Variants in CEP41 observed in about 807,000 individuals in gnomAD.
CEP41 encodes the protein centrosomal protein of 41 kDa.
Under a neutral mutation model 44.3 loss-of-function variants are expected in CEP41, and 32 were observed. That is an observed-to-expected ratio of 0.72 (90% CI 0.54 to 0.97). The LOEUF (loss-of-function observed/expected upper bound fraction) is 0.97, where lower values mean the gene tolerates loss of function less well. Among genes scored for constraint, CEP41 ranks in the 50% least tolerant of loss-of-function variants. The pLI is 0.00. For synonymous variants in CEP41, 151 were observed against 168.5 expected, an observed-to-expected ratio of 0.90 and a Z score of 0.80; for missense variants, 432 against 455.2, an observed-to-expected ratio of 0.95 and a Z score of 0.46.
chr7:130,407,829 A>G (rs1554418550), intron 5 of CEP41, among the ~76,000 whole-genome samples: 1 of 152,230 alleles, frequency 6.6e-6, no homozygotes, highest in African/African-American at 2.4e-5. Context: ...TGATTACGTA[A>G]AAATTCAACC....
chr7:130,394,151 C>A lies in CEP41; in HGVS notation c.*4740G>T, dbSNP rs1796595913. 2 of 453,986 alleles carry A rather than the reference C, an allele frequency of 4.4e-6. No homozygotes were observed. The highest frequency in any genetic ancestry group is 8.8e-6 in the Non-Finnish European group (2 of 226,802). 28.1% of individuals were successfully genotyped at this position (453,986 alleles called of 1,614,324 possible). ...AGTTAGAGGCATCACCAAAGGAGAA[C>A]ATGGTTGTGCCCACCCAGAGTGAGA... On this transcript the variant is annotated 3_prime_UTR_variant, in exon 11 of 11. Coordinates refer to ENST00000223208, the MANE Select transcript of CEP41 (RefSeq NM_018718.3).
chr7:130,421,324 T>C (rs1310499753), intron 2 of CEP41: 1 of 985,340 alleles, frequency 1.0e-6, no homozygotes, highest in East Asian at 1.1e-4. Context: ...GACAACTCCA[T>C]GGCTTTATTT....
intron 2 of CEP41, chr7:130,419,834 G>A (rs1797447550): frequency 1.0e-6 from 1 of 985,264 alleles, no homozygotes; most frequent in Non-Finnish European, 1.2e-6. Flanking sequence ...AGCAGGAAGT[G>A]ACCTTTCCCT....
chr7:130,432,517 C>A (rs1455002152), intron 1 of CEP41, among the ~76,000 whole-genome samples: 1 of 140,450 alleles, frequency 7.1e-6, no homozygotes, highest in Admixed American at 7.7e-5. Flanking sequence ...TTTGGGAGGC[C>A]AAAGTGGGAG....
rs782502319 is a variant in CEP41, at chr7:130,440,998, A to G, written c.-32T>C. On this transcript the variant is annotated 5_prime_UTR_variant, in exon 1 of 11. Transcript: ENST00000223208. ...TCCAACCGACCACGTTCGGGGTTCTAGCCTCACGGGTTGCCTCTAACCCTA... is the reference window on the plus strand; with the variant it reads ...TCCAACCGACCACGTTCGGGGTTCTGGCCTCACGGGTTGCCTCTAACCCTA... 8 of 1,611,648 alleles carry G rather than the reference A, an allele frequency of 5.0e-6. No individual in the cohort carries two copies. In the Admixed American group the frequency reaches 1.3e-4, roughly 27 times the overall value.
rs782097502 is a variant in CEP41, at chr7:130,399,265, T to C, written c.974-226A>G. ...GAAGGGAAACCCAGATAGGTTTTTTTTCCCTTCCTCTCCAACATCCCCAAC... is the reference window on the plus strand; with the variant it reads ...GAAGGGAAACCCAGATAGGTTTTTTCTCCCTTCCTCTCCAACATCCCCAAC... On this transcript the variant is annotated intron_variant, in intron 10 of 10. Transcript: ENST00000223208. 1.8e-4 allele frequency: 103 copies of C among 576,462 alleles called. 1 individual carries two copies. Among genetic ancestry groups the C allele is most frequent in the Admixed American group, 1.0e-3 (35 of 33,456 alleles). 35.7% of individuals were successfully genotyped at this position (576,462 alleles called of 1,614,324 possible).
At chr7:130,429,138 T>C (rs1344239802) in intron 1 of CEP41, among the ~76,000 whole-genome samples, 5 of 152,146 alleles carry the variant, frequency 3.3e-5, no homozygotes, top group Non-Finnish European at 1.5e-5. Flanking sequence ...CCTGAGATTT[T>C]ATCCATCTCT....
Position 130,398,776 on chromosome 7 carries a change from T to C in CEP41, c.*115A>G, listed in dbSNP as rs782680975. ...AGGGACAGGGAAGAGGCCTATCCCA[T>C]ACATATGTCATGGTCTTTCCTCTGC... On this transcript the variant is annotated 3_prime_UTR_variant, in exon 11 of 11. Coordinates refer to ENST00000223208, the MANE Select transcript of CEP41 (RefSeq NM_018718.3). The C allele has an allele frequency of 8.8e-6, 11 of 1,245,456 alleles. No individual in the cohort carries two copies. In the East Asian group the frequency reaches 2.3e-4, roughly 26 times the overall value. The allele number at this position is 1,245,456 out of a possible 1,614,324, so 77.2% of individuals were successfully genotyped here.
chr7:130,402,523 A>T, intron 7 of CEP41, 125 bp downstream of exon 7: 1 of 1,048,080 alleles, frequency 9.5e-7, no homozygotes, highest in Admixed American at 1.8e-5. Context: ...GGATTCCATA[A>T]TGGATCCAGC....
At position 130,395,399 on chromosome 7, in the gene CEP41, G is replaced by C. The variant is rs1554414096; in HGVS notation, c.*3492C>G. 2.2e-6 allele frequency: 1 copy of C among 454,096 alleles called. No individual in the cohort carries two copies. The highest frequency in any genetic ancestry group is 6.9e-5 in the East Asian group (1 of 14,404). 28.1% of individuals were successfully genotyped at this position (454,096 alleles called of 1,614,324 possible). ...TATCGTGGGAGTTAAATCTTTGAAA[G>C]AATTGGGAAGAAAATAAACACACAT... On this transcript the variant is annotated 3_prime_UTR_variant, in exon 11 of 11. Coordinates refer to ENST00000223208, the MANE Select transcript of CEP41 (RefSeq NM_018718.3).
At chr7:130,406,443 G>A (rs1252795740) in intron 5 of CEP41, among the ~76,000 whole-genome samples, 2 of 152,094 alleles carry the variant, frequency 1.3e-5, no homozygotes, top group Non-Finnish European at 2.9e-5. Context: ...AATTAGCCAG[G>A]TGTGCTGGCA....
chr7:130,436,409 G>A (rs781786599), intron 1 of CEP41, among the ~76,000 whole-genome samples: 1 of 152,146 alleles, frequency 6.6e-6, no homozygotes, highest in Non-Finnish European at 1.5e-5. Flanking sequence ...GAAGAAAGTA[G>A]GTGTGACCAG....
At chr7:130,428,642 G>A (rs1244385926) in intron 1 of CEP41, among the ~76,000 whole-genome samples, 2 of 150,606 alleles carry the variant, frequency 1.3e-5, no homozygotes, top group African/African-American at 2.4e-5. Flanking sequence ...GGCCAGGCTC[G>A]GTGGCTCACA....
chr7:130,430,382 T>TA (rs1333450868), intron 1 of CEP41, among the ~76,000 whole-genome samples: 1 of 151,964 alleles, frequency 6.6e-6, no homozygotes, highest in Non-Finnish European at 1.5e-5. Context: ...ATCACATCTT[T>TA]ATCACCAACT....
In CEP41 at chr7:130,422,107, G is replaced by A; in HGVS notation, c.98-5141C>T. On this transcript the variant is annotated intron_variant, in intron 2 of 10. Transcript: ENST00000223208. ...GTTCATATGAGAAGCAGAGCCAGAG[G>A]TATAAAAACAAAAAATAATCTTTAA... 2.9e-6 allele frequency: 4 copies of A among 1,380,728 alleles called. No homozygotes were observed. The Admixed American group carries it at 6.8e-5, about 23-fold the overall frequency. The allele number at this position is 1,380,728 out of a possible 1,614,324, so 85.5% of individuals were successfully genotyped here.
intron 5 of CEP41, among the ~76,000 whole-genome samples, chr7:130,410,011 G>A (rs1554419028): frequency 7.7e-6 from 1 of 129,182 alleles, no homozygotes; most frequent in African/African-American, 3.0e-5. Context: ...GTGCCTTGAG[G>A]AAGCCTACCT....
In CEP41 at chr7:130,398,933, G is replaced by A. The variant is rs782746850; in HGVS notation, c.1080C>T (p.Arg360=). The A allele has an allele frequency of 6.2e-7, 1 of 1,614,246 alleles. No individual in the cohort carries two copies. Among genetic ancestry groups the A allele is most frequent in the South Asian group, 1.1e-5 (1 of 91,088 alleles). ...GGGPASHSNP[R]SLSSGHLQGK... is the part of the protein sequence containing the mutation. ...CTTGCAGGTGACCACTGCTGAGGGA[G>A]CGGGGGTTTGAGTGGCTGGCGGGGC... Residue 360 remains arginine (R), a synonymous_variant, in exon 11 of 11, where the codon CGC becomes CGT. Coordinates refer to ENST00000223208, the MANE Select transcript of CEP41 (RefSeq NM_018718.3).
rs1562974864 is a variant in CEP41 at position 130,398,077 on chromosome 7, T to C, written c.*814A>G. The C allele has an allele frequency of 6.6e-6, 3 of 454,088 alleles. No individual in the cohort carries two copies. The highest frequency in any genetic ancestry group is 1.6e-5 in the South Asian group (1 of 64,472). The allele number at this position is 454,088 out of a possible 1,614,324, so 28.1% of individuals were successfully genotyped here. A position where few individuals can be genotyped will look rare whatever the true frequency, so the allele number is the denominator to read the frequency against. ...ACATGGATGGACTGAAGCTGGGCAA[T>C]GGGCGTCATAACTGATATACTGACC... is the stretch of plus-strand genomic sequence containing the variant. On this transcript the variant is annotated 3_prime_UTR_variant, in exon 11 of 11. Coordinates refer to ENST00000223208, the MANE Select transcript of CEP41 (RefSeq NM_018718.3).
Position 130,397,532 on chromosome 7 carries a change from T to TTTTG in CEP41, c.*1358_*1359insCAAA. 5.1e-6 allele frequency: 2 copies of TTTTG among 391,562 alleles called. No individual in the cohort carries two copies. Among genetic ancestry groups the TTTTG allele is most frequent in the Non-Finnish European group, 9.9e-6 (2 of 201,648 alleles). 24.3% of individuals were successfully genotyped at this position (391,562 alleles called of 1,614,324 possible). On this transcript the variant is annotated 3_prime_UTR_variant, in exon 11 of 11. Transcript: ENST00000223208. The stretch of plus-strand genomic sequence containing the variant: ...TTTTTTTTTTTTTTTTTTTTTTTTT[T>TTTTG]TGGTGGCGAGAAAATAGTACTGTTA...
Sources: gnomAD v4.1 joint callset for allele counts (sites outside exome capture counted in the v4.1 genomes callset) on GRCh38, gnomAD v4.1.1 for gene constraint, MANE v1.5 for transcripts, NCBI Gene and HGNC (gene_info 2026-07-23, HGNC 2026-07-21) for gene names.